Variants in CLXN observed in about 807,000 individuals in gnomAD.
The protein encoded by CLXN is EF-hand calcium binding domain 1.
At chr8:48,731,074 A>T in the CLXN span, among the ~76,000 whole-genome samples, 2 of 152,130 alleles carry the variant, frequency 1.3e-5, no homozygotes, top group Non-Finnish European at 2.9e-5. Flanking sequence ...TATTCTATTT[A>T]TTATGTTTAT....
the CLXN span, among the ~76,000 whole-genome samples, chr8:48,733,836 G>A: frequency 1.3e-5 from 2 of 152,130 alleles, no homozygotes; most frequent in Admixed American, 6.5e-5. Context: ...TCAAACTTAC[G>A]GAAAGGGACA....
the CLXN span, chr8:48,713,867 G>A: frequency 6.6e-6 from 1 of 152,046 alleles, no homozygotes; most frequent in Non-Finnish European, 1.5e-5. Context: ...TTTAAATCCT[G>A]TAGTTAAAAA....
At chr8:48,733,129 A>G in the CLXN span, among the ~76,000 whole-genome samples, 4 of 152,204 alleles carry the variant, frequency 2.6e-5, no homozygotes, top group Non-Finnish European at 5.9e-5. Flanking sequence ...ACACACACAC[A>G]CACAAACCTC....
the CLXN span, chr8:48,724,702 C>T: frequency 1.3e-6 from 2 of 1,518,512 alleles, no homozygotes; most frequent in African/African-American, 1.4e-5. Flanking sequence ...GTGTGTGCCT[C>T]CTTTTTTACT....
At chr8:48,735,050 C>A in the CLXN span, 8 of 1,605,946 alleles carry the variant, frequency 5.0e-6, no homozygotes, top group Non-Finnish European at 6.8e-6. Flanking sequence ...GACCCAGGCT[C>A]GGTCCAGGAG....
At chr8:48,717,060 G>C in the CLXN span, among the ~76,000 whole-genome samples, 1 of 152,168 alleles carries the variant, frequency 6.6e-6, no homozygotes, top group Non-Finnish European at 1.5e-5. Context: ...AGCTACTTGG[G>C]AGGCTGAGGC....
chr8:48,734,304 T>TG, the CLXN span, among the ~76,000 whole-genome samples: 1 of 152,336 alleles, frequency 6.6e-6, no homozygotes, highest in South Asian at 2.1e-4. Flanking sequence ...GGAAATTATC[T>TG]TCCTCATCTA....
chr8:48,730,085 G>A, the CLXN span: 1 of 422,106 alleles, frequency 2.4e-6, no homozygotes, highest in Non-Finnish European at 4.2e-6. Flanking sequence ...GCATACCAAG[G>A]AACAGTAACT....
the CLXN span, among the ~76,000 whole-genome samples, chr8:48,725,132 C>T: frequency 1.3e-5 from 2 of 152,078 alleles, no homozygotes; most frequent in Non-Finnish European, 2.9e-5. Flanking sequence ...TATGGGAGTC[C>T]AGGAGGAACA....
chr8:48,733,815 C>T, the CLXN span, among the ~76,000 whole-genome samples: 20 of 152,066 alleles, frequency 1.3e-4, no homozygotes, highest in Admixed American at 3.9e-4. Flanking sequence ...CGAACAGAGA[C>T]TAAATCAAAT....
chr8:48,733,021 T>C, the CLXN span, among the ~76,000 whole-genome samples: 1 of 152,054 alleles, frequency 6.6e-6, no homozygotes, highest in South Asian at 2.1e-4. Context: ...AGGTGGATGG[T>C]GGTGTTGCAA....
the CLXN span, chr8:48,729,080 GAA>G: frequency 6.2e-7 from 1 of 1,613,498 alleles, no homozygotes; most frequent in Non-Finnish European, 8.5e-7. Flanking sequence ...GCCTCCAGTA[GAA>G]GAGTCTCTTC....
At chr8:48,726,870 AATCTATCT>A in the CLXN span, among the ~76,000 whole-genome samples, 16,202 of 136,188 alleles carry the variant, frequency 0.12, 3,128 homozygotes, top group African/African-American at 0.42. Context: ...TGCATCTATC[AATCTATCT>A]ATCTATCTAT....
chr8:48,727,088 T>C, the CLXN span, among the ~76,000 whole-genome samples: 1 of 135,272 alleles, frequency 7.4e-6, no homozygotes, highest in Non-Finnish European at 1.6e-5. Context: ...AACTATCCAT[T>C]CATCCATTCA....
At chr8:48,733,349 T>C in the CLXN span, among the ~76,000 whole-genome samples, 4 of 152,204 alleles carry the variant, frequency 2.6e-5, no homozygotes, top group Non-Finnish European at 5.9e-5. Context: ...TAAACATTTC[T>C]TAAATTCTAG....
At chr8:48,726,484 TCATCCATCCATC>T in the CLXN span, among the ~76,000 whole-genome samples, 23 of 105,360 alleles carry the variant, frequency 2.2e-4, no homozygotes, top group East Asian at 2.3e-3. Context: ...ATCCATCCAT[TCATCCATCCATC>T]CATCCATCCA....
the CLXN span, chr8:48,735,266 A>G: frequency 8.4e-7 from 1 of 1,195,312 alleles, no homozygotes; most frequent in Non-Finnish European, 1.2e-6. Context: ...GGTCTCAGTT[A>G]CTGATCTCGT....
At chr8:48,724,675 GA>G in the CLXN span, 1 of 1,323,930 alleles carries the variant, frequency 7.6e-7, no homozygotes. Context: ...GAACTAAGTA[GA>G]AAAAATAAGC....
At chr8:48,714,964 T>C in the CLXN span, 1 of 152,184 alleles carries the variant, frequency 6.6e-6, no homozygotes, top group Non-Finnish European at 1.5e-5. Context: ...CATGATGGAA[T>C]ACCAGGCAGC....
Sources: gnomAD v4.1 joint callset for allele counts (sites outside exome capture counted in the v4.1 genomes callset) on GRCh38, gnomAD v4.1.1 for gene constraint, MANE v1.5 for transcripts, NCBI Gene and HGNC (gene_info 2026-07-23, HGNC 2026-07-21) for gene names.